The following IARS2 variants were observed in gnomAD, a reference collection of about 807,000 sequenced individuals.
IARS2 encodes isoleucyl-tRNA synthetase 2, mitochondrial, also known as isoleucine--tRNA ligase, mitochondrial.
In IARS2, 56 loss-of-function variants were observed where a neutral mutation model predicts 126.3. That is an observed-to-expected ratio of 0.44 (90% CI 0.36 to 0.55). IARS2 has a LOEUF of 0.55. Among genes scored for constraint, IARS2 ranks in the 20% least tolerant of loss-of-function variants. The pLI is 0.00. For missense variants in IARS2, 1,127 were observed against 1,245.9 expected, an observed-to-expected ratio of 0.90 and a Z score of 1.44; for synonymous variants, 407 against 441.1, an observed-to-expected ratio of 0.92 and a Z score of 0.97.
In IARS2 at chr1:220,102,498, T is replaced by C. The variant is rs754766431; in HGVS notation, c.753T>C (p.Thr251=). 6 of 1,613,264 alleles carry C rather than the reference T, an allele frequency of 3.7e-6. No homozygotes were observed. In the African/African-American group the frequency reaches 6.7e-5, roughly 18 times the overall value. ...GTTTAATATTTTTAACCCTTAGGAC[T>C]GCATTGGCTGAAGCAGAACTTGAAT... ...KPVFWSPSSR[T]ALAEAELEYN... is the part of the protein sequence containing the mutation. Residue 251 remains threonine (T), a synonymous_variant, in exon 6 of 23, where the codon ACT becomes ACC. Coordinates refer to ENST00000366922, the MANE Select transcript of IARS2 (RefSeq NM_018060.4).
chr1:220,106,477 G>A (rs1351003953), intron 9 of IARS2, among the ~76,000 whole-genome samples: 1 of 152,068 alleles, frequency 6.6e-6, no homozygotes, highest in Admixed American at 6.6e-5. Context: ...TATAGGCATA[G>A]ATTTGGAAAC....
intron 3 of IARS2, among the ~76,000 whole-genome samples, chr1:220,101,000 A>G (rs1656559119): frequency 1.3e-5 from 2 of 152,274 alleles, no homozygotes; most frequent in South Asian, 2.1e-4. Context: ...TCTAAAATAC[A>G]TATATTTTAC....
intron 12 of IARS2, among the ~76,000 whole-genome samples, chr1:220,120,594 T>C (rs1344197614): frequency 6.6e-6 from 1 of 152,120 alleles, no homozygotes; most frequent in African/African-American, 2.4e-5. Context: ...CAGGCTGGTC[T>C]TGAAGTCCTT....
chr1:220,137,832 C>G, intron 16 of IARS2, 86 bp from the exon 17 acceptor site: 5 of 1,456,094 alleles, frequency 3.4e-6, no homozygotes, highest in Non-Finnish European at 1.9e-6. Context: ...TCAAAAATAT[C>G]TGAATAGGAG....
At chr1:220,124,289 A>G (rs1022998128) in intron 12 of IARS2, among the ~76,000 whole-genome samples, 5 of 152,230 alleles carry the variant, frequency 3.3e-5, no homozygotes, top group African/African-American at 1.2e-4. Context: ...TTATTACTGT[A>G]TATCTTCCTA....
chr1:220,101,917 C>T (rs1272930498), intron 3 of IARS2, among the ~76,000 whole-genome samples: 2 of 152,108 alleles, frequency 1.3e-5, no homozygotes, highest in African/African-American at 2.4e-5. Flanking sequence ...AGGAGAATGG[C>T]GTGAACCCGG....
At chr1:220,114,826 G>A (rs1227705061) in intron 12 of IARS2, among the ~76,000 whole-genome samples, 1 of 152,100 alleles carries the variant, frequency 6.6e-6, no homozygotes, top group Non-Finnish European at 1.5e-5. Flanking sequence ...CACATTCTGA[G>A]TCTGCTTTCC....
Position 220,134,479 on chromosome 1 carries a change from A to C in IARS2, c.1915A>C (p.Ser639Arg), listed in dbSNP as rs1347742040. The C allele has an allele frequency of 1.9e-6, 3 of 1,613,396 alleles. No homozygotes were observed. In the East Asian group the frequency reaches 6.7e-5, roughly 36 times the overall value. ...TTGGTTTCAGTCATCCTTATTAACA[A>C]GTGTGGCAGCAAGGAAGAGAGCACC... ...GGWFQSSLLT[S>R]VAARKRAPYK... The change falls in exon 15 of 23, where the codon AGT becomes CGT. Residue 639 changes from serine to arginine, a missense_variant. Ser to Arg is a moderately radical substitution (Grantham distance 110, BLOSUM62 -1). Transcript: ENST00000366922.
chr1:220,105,817 A>T, intron 8 of IARS2, 74 bp from the exon 9 acceptor site: 1 of 1,254,178 alleles, frequency 8.0e-7, no homozygotes, highest in Non-Finnish European at 1.2e-6. Context: ...TTAACCTGAT[A>T]CTCTATTGCT....
At chr1:220,128,538 A>G (rs1657197615) in intron 14 of IARS2, among the ~76,000 whole-genome samples, 1 of 152,194 alleles carries the variant, frequency 6.6e-6, no homozygotes, top group African/African-American at 2.4e-5. Context: ...ACCTAAGGAC[A>G]CATTTCTCAG....
At chr1:220,143,211 C>A in intron 21 of IARS2, 77 bp downstream of exon 21, 1 of 979,360 alleles carries the variant, frequency 1.0e-6, no homozygotes, top group Non-Finnish European at 1.5e-6. Context: ...TAAAATGTGT[C>A]TAAATTAATC....
chr1:220,131,590 G>A (rs115279281), intron 14 of IARS2, among the ~76,000 whole-genome samples: 2,518 of 152,086 alleles, frequency 0.017, 22 homozygotes, highest in African/African-American at 0.022. Flanking sequence ...CACCTCAGGC[G>A]ATCTGTCCGC....
chr1:220,119,151 C>T (rs1387129608), intron 12 of IARS2, among the ~76,000 whole-genome samples: 1 of 152,126 alleles, frequency 6.6e-6, no homozygotes, highest in Non-Finnish European at 1.5e-5. Context: ...AAATAAGCCT[C>T]ATTCCGGTTG....
chr1:220,117,371 A>G (rs1477797334), intron 12 of IARS2, among the ~76,000 whole-genome samples: 3 of 150,846 alleles, frequency 2.0e-5, no homozygotes, highest in Non-Finnish European at 1.5e-5. Flanking sequence ...TTATATATAT[A>G]TATTTTTTAG....
intron 22 of IARS2, among the ~76,000 whole-genome samples, chr1:220,146,056 C>G (rs73098537): frequency 6.6e-6 from 1 of 152,020 alleles, no homozygotes; most frequent in Non-Finnish European, 1.5e-5. Flanking sequence ...ATGTATACCC[C>G]GGATTAAAAT....
chr1:220,126,126 A>G (rs1657151849), intron 13 of IARS2, among the ~76,000 whole-genome samples: 1 of 150,920 alleles, frequency 6.6e-6, no homozygotes, highest in Non-Finnish European at 1.5e-5. Context: ...AAAAAAAAGA[A>G]AAAGAAAAAG....
At chr1:220,109,086 A>G (rs1169914626) in intron 10 of IARS2, among the ~76,000 whole-genome samples, 1 of 151,998 alleles carries the variant, frequency 6.6e-6, no homozygotes, top group Admixed American at 6.6e-5. Context: ...GGGTAGGGAA[A>G]GAAACTTTAA....
At chr1:220,142,840 ATAAC>A in intron 20 of IARS2, 100 bp from the exon 21 acceptor site, 1 of 705,842 alleles carries the variant, frequency 1.4e-6, no homozygotes, top group Non-Finnish European at 2.2e-6. Flanking sequence ...ATTACCATAA[ATAAC>A]AATTCTTATT....
chr1:220,141,792 T>G lies in IARS2; in HGVS notation c.2415-11T>G. 2 of 1,613,354 alleles carry G rather than the reference T, an allele frequency of 1.2e-6. No individual in the cohort carries two copies. Among genetic ancestry groups the G allele is most frequent in the Non-Finnish European group, 1.7e-6 (2 of 1,179,656 alleles). On this transcript the variant is annotated splice_polypyrimidine_tract_variant and intron_variant, in intron 19 of 22. Coordinates refer to ENST00000366922, the MANE Select transcript of IARS2 (RefSeq NM_018060.4). ...GTATTGTCAACTGCTGAATAAGTTG[T>G]TCTTGTTCAGGCTCTATTGTGAAAA...
Sources: gnomAD v4.1 joint callset for allele counts (sites outside exome capture counted in the v4.1 genomes callset) on GRCh38, gnomAD v4.1.1 for gene constraint, MANE v1.5 for transcripts, NCBI Gene and HGNC (gene_info 2026-07-23, HGNC 2026-07-21) for gene names.